The following RARS2 variants were observed in gnomAD, a reference collection of about 807,000 sequenced individuals.
The protein encoded by RARS2 is arginyl-tRNA synthetase 2, mitochondrial.
In RARS2, 67 loss-of-function variants were observed where a neutral mutation model predicts 88.5. The observed-to-expected ratio is 0.76, with a 90% confidence interval of 0.62 to 0.93. The LOEUF (loss-of-function observed/expected upper bound fraction) is 0.93. RARS2 is among the 40% of genes least tolerant of loss of function. RARS2 has a pLI of 0.00. For synonymous variants in RARS2, 239 were observed against 230.3 expected, an observed-to-expected ratio of 1.04 and a Z score of -0.34; for missense variants, 664 against 684.2, an observed-to-expected ratio of 0.97 and a Z score of 0.33.
At chr6:87,523,986 C>A (rs1234583235) in intron 11 of RARS2, among the ~76,000 whole-genome samples, 1 of 152,146 alleles carries the variant, frequency 6.6e-6, no homozygotes, top group Non-Finnish European at 1.5e-5. Flanking sequence ...AGTTAAAAGA[C>A]TTAATTGGTT....
chr6:87,553,912 T>A (rs1785048903), intron 5 of RARS2, among the ~76,000 whole-genome samples: 1 of 152,208 alleles, frequency 6.6e-6, no homozygotes, highest in Admixed American at 6.5e-5. Context: ...TACAAATTCA[T>A]GAGTTTGCTC....
At chr6:87,562,587 G>A in intron 4 of RARS2, 115 bp downstream of exon 4, 1 of 757,328 alleles carries the variant, frequency 1.3e-6, no homozygotes, top group Non-Finnish European at 2.4e-6. Flanking sequence ...GGATCAGTAT[G>A]TGCAAAGGTT....
chr6:87,588,278 C>T (rs1381460416), intron 1 of RARS2, among the ~76,000 whole-genome samples: 2 of 152,172 alleles, frequency 1.3e-5, no homozygotes, highest in Non-Finnish European at 2.9e-5. Flanking sequence ...TCTTCATTAG[C>T]ATAACTTTAC....
In RARS2 at chr6:87,514,952, C is replaced by T. The variant is rs750433723; in HGVS notation, c.1650+5G>A. 1.4e-5 allele frequency: 23 copies of T among 1,605,872 alleles called. No individual in the cohort carries two copies. Among genetic ancestry groups the T allele is most frequent in the South Asian group, 5.5e-5 (5 of 90,910 alleles). On this transcript the variant is annotated splice_donor_5th_base_variant and intron_variant, in intron 19 of 19. Transcript: ENST00000369536. The stretch of plus-strand genomic sequence containing the variant: ...ATTATACAGAAAACATTCAACATAA[C>T]GTACCCCAGCCACTTCAGGAGGACT...
At chr6:87,565,095 T>C (rs1279478880) in intron 2 of RARS2, among the ~76,000 whole-genome samples, 1 of 152,170 alleles carries the variant, frequency 6.6e-6, no homozygotes, top group Non-Finnish European at 1.5e-5. Context: ...CCTTATTTTA[T>C]AGACATGAAA....
Position 87,578,820 on chromosome 6 carries a change from C to T in RARS2, c.37-9230G>A, listed in dbSNP as rs765815139. ...CTAAAAACACAAAAAATTAGCCAGG[C>T]GTGGTGGCTGGTGCCTGTAGTCCCA... On this transcript the variant is annotated intron_variant, in intron 1 of 19. Transcript: ENST00000369536. 2.0e-5 allele frequency among the ~76,000 whole-genome samples: 3 copies of T among 151,694 alleles called. 1 individual carries two copies. The highest frequency in any genetic ancestry group is 4.2e-4 in the South Asian group (2 of 4,794).
Position 87,524,653 on chromosome 6 carries a change from CT to C in RARS2, c.879-2del, listed in dbSNP as rs1775079523. On this transcript the variant is annotated splice_acceptor_variant, in intron 10 of 19. Transcript: ENST00000369536. LOFTEE classifies it high-confidence loss of function. ...GAGATCTACTACAGCCGTTCCTTTT[CT>C]AGAAATTCGAAAAGGTAACTCTGAA... is the stretch of plus-strand genomic sequence containing the variant. The C allele has an allele frequency of 3.1e-6, 5 of 1,604,960 alleles. No individual in the cohort carries two copies. The highest frequency in any genetic ancestry group is 4.3e-6 in the Non-Finnish European group (5 of 1,172,062).
Position 87,514,476 on chromosome 6 carries a change from A to G in RARS2, c.1674T>C (p.Ala558=), listed in dbSNP as rs2127985729. 1 of 1,612,488 alleles carries G rather than the reference A, an allele frequency of 6.2e-7. No individual in the cohort carries two copies. Among genetic ancestry groups the G allele is most frequent in the South Asian group, 1.1e-5 (1 of 91,056 alleles). ...VAGARLHLFK[A]VRSVLANGMK... is the part of the protein sequence containing the mutation. Reference sequence around the variant, plus strand: ...TTCCATTGGCTAGGACAGAACGGACAGCTTTGAAAAGATGAAGTCTGGCCT... The same window carrying G: ...TTCCATTGGCTAGGACAGAACGGACGGCTTTGAAAAGATGAAGTCTGGCCT... The change falls in exon 20 of 20, where the codon GCT becomes GCC. Residue 558 remains alanine, a synonymous_variant. Coordinates refer to ENST00000369536, the MANE Select transcript of RARS2 (RefSeq NM_020320.5).
At chr6:87,560,752 T>C (rs1221365884) in intron 4 of RARS2, among the ~76,000 whole-genome samples, 1 of 152,168 alleles carries the variant, frequency 6.6e-6, no homozygotes, top group East Asian at 1.9e-4. Flanking sequence ...CTGGGCGCGG[T>C]GGTGCATGCC....
intron 11 of RARS2, 102 bp downstream of exon 11, chr6:87,524,452 GTCA>G: frequency 1.1e-6 from 1 of 910,468 alleles, no homozygotes; most frequent in South Asian, 1.3e-5. Context: ...ATAGAATAAT[GTCA>G]TCAGCTGTGG....
chr6:87,582,453 G>A (rs545683552), intron 1 of RARS2, among the ~76,000 whole-genome samples: 75 of 152,258 alleles, frequency 4.9e-4, no homozygotes, highest in Non-Finnish European at 8.8e-4. Flanking sequence ...TAATGGGGTT[G>A]TTTTAAGTTC....
At chr6:87,544,544 C>T (rs1323966172) in intron 7 of RARS2, among the ~76,000 whole-genome samples, 1 of 152,140 alleles carries the variant, frequency 6.6e-6, no homozygotes, top group Non-Finnish European at 1.5e-5. Context: ...GTCTTTGTGT[C>T]AGAGAATGCT....
In RARS2 at chr6:87,520,224, T is replaced by G; in HGVS notation, c.1068A>C (p.Gln356His). The change falls in exon 13 of 20, where the codon CAA becomes CAC. Residue 356 changes from glutamine (Q) to histidine (H), a missense_variant. Coordinates refer to ENST00000369536, the MANE Select transcript of RARS2 (RefSeq NM_020320.5). ...TDKGQKKHFQQVFQMLKIMGY... is the reference protein window; with the variant it reads ...TDKGQKKHFQHVFQMLKIMGY... ...CCATGATCTTCAGCATTTGGAATAC[T>G]TGCTGAAAATGCTTTTTTTGTCCTT... is the stretch of plus-strand genomic sequence containing the variant. The G allele has an allele frequency of 3.1e-6, 5 of 1,613,368 alleles. No individual in the cohort carries two copies. Among genetic ancestry groups the G allele is most frequent in the Non-Finnish European group, 4.2e-6 (5 of 1,179,514 alleles).
intron 12 of RARS2, among the ~76,000 whole-genome samples, chr6:87,520,547 C>G (rs1395704686): frequency 6.6e-6 from 1 of 152,074 alleles, no homozygotes; most frequent in African/African-American, 2.4e-5. Context: ...TGACCCTGGT[C>G]TCTGAGACCA....
chr6:87,516,931 AAGACATT>A, intron 17 of RARS2, 51 bp from the exon 18 acceptor site: 1 of 1,607,356 alleles, frequency 6.2e-7, no homozygotes, highest in South Asian at 1.1e-5. Flanking sequence ...ACATTACACT[AAGACATT>A]AGACATTAAA....
intron 10 of RARS2, among the ~76,000 whole-genome samples, chr6:87,529,006 CT>C (rs937107927): frequency 2.6e-5 from 4 of 151,370 alleles, no homozygotes; most frequent in East Asian, 3.9e-4. Flanking sequence ...TCAATTACAA[CT>C]TTTTTTTTAA....
Position 87,555,426 on chromosome 6 carries a change from T to C in RARS2, c.377A>G (p.Lys126Arg), listed in dbSNP as rs764495159. ...SELFSGLPQKKIVVEFSSPNV... is the reference protein window; with the variant it reads ...SELFSGLPQKRIVVEFSSPNV... ...CCCTCACCTGAATTCAACCACAATC[T>C]TCTTCTGGGGAAGTCCAGAGAAAAG... Residue 126 changes from lysine (K) to arginine (R), a missense_variant, in exon 5 of 20, where the codon AAG (lysine) becomes AGG (arginine). By Grantham distance (26) the Lys-to-Arg change is conservative. Coordinates refer to ENST00000369536, the MANE Select transcript of RARS2 (RefSeq NM_020320.5). 5 of 1,613,746 alleles carry C rather than the reference T, an allele frequency of 3.1e-6. No individual in the cohort carries two copies. The highest frequency in any genetic ancestry group is 1.7e-5 in the Admixed American group (1 of 59,996).
At chr6:87,541,802 C>A (rs766767707) in intron 8 of RARS2, 116 bp downstream of exon 8, 187 of 771,412 alleles carry the variant, frequency 2.4e-4, no homozygotes, top group Non-Finnish European at 3.6e-4. Flanking sequence ...CCAGCCTGGG[C>A]AACAGAGCGA....
At position 87,579,758 on chromosome 6, in the gene RARS2, C is replaced by T. The variant is rs144915591; in HGVS notation, c.36+10164G>A. 9.4e-3 allele frequency among the ~76,000 whole-genome samples: 1,089 copies of T among 116,300 alleles called. 14 individuals carry two copies. The highest frequency in any genetic ancestry group is 0.034 in the African/African-American group (1,013 of 30,012). 76.3% of individuals were successfully genotyped at this position (116,300 alleles called of 152,430 possible). A position where few individuals can be genotyped will look rare whatever the true frequency, so the allele number is the denominator to read the frequency against. ...TTTTTTTTTTTTTGAGACAGAGTCT[C>T]GCTCTGTCGCCAGGCTGGAGTGCAG... On this transcript the variant is annotated intron_variant, in intron 1 of 19. Transcript: ENST00000369536.
Sources: gnomAD v4.1 joint callset for allele counts (sites outside exome capture counted in the v4.1 genomes callset) on GRCh38, gnomAD v4.1.1 for gene constraint, MANE v1.5 for transcripts, NCBI Gene and HGNC (gene_info 2026-07-23, HGNC 2026-07-21) for gene names.